Variants in L3MBTL3 observed in about 807,000 individuals in gnomAD.
The protein encoded by L3MBTL3 is L3MBTL histone methyl-lysine binding protein 3.
A neutral mutation model predicts 102.3 loss-of-function variants in L3MBTL3; 27 were observed. That is an observed-to-expected ratio of 0.26 (90% CI 0.19 to 0.36). The LOEUF is 0.36. Ranked by LOEUF, L3MBTL3 falls within the 10% of genes least tolerant of loss-of-function variation. The pLI is 1.00. For synonymous variants in L3MBTL3, 340 were observed against 320.9 expected (o/e 1.06, Z -0.64); for missense variants, 798 against 955.3 (o/e 0.84, Z 2.17).
chr6:130,071,092 A>G lies in L3MBTL3; in HGVS notation c.1209A>G (p.Val403=). 6.2e-7 allele frequency: 1 copy of G among 1,613,208 alleles called. No individual in the cohort carries two copies. Among genetic ancestry groups the G allele is most frequent in the Non-Finnish European group, 8.5e-7 (1 of 1,179,468 alleles). Residue 403 remains valine, a synonymous_variant, in exon 13 of 23, where the codon GTA becomes GTG. Coordinates refer to ENST00000361794, the MANE Select transcript of L3MBTL3 (RefSeq NM_032438.4). Reference sequence around the variant, plus strand: ...ATATGGTGGACAATCGTTTCCTGGTACATTTTGACAACTGGGATGAGAGCT... The same window carrying G: ...ATATGGTGGACAATCGTTTCCTGGTGCATTTTGACAACTGGGATGAGAGCT... ...VTDMVDNRFL[V]HFDNWDESYD...
chr6:130,139,595 T>C lies in L3MBTL3; in HGVS notation c.2200-15T>C. ...TTGTTAATCCACATTCTGTTGTTTTTTTCCCCCATTTTAGCAAATTGATGG... is the reference window on the plus strand; with the variant it reads ...TTGTTAATCCACATTCTGTTGTTTTCTTCCCCCATTTTAGCAAATTGATGG... On this transcript the variant is annotated splice_polypyrimidine_tract_variant and intron_variant, in intron 22 of 22. Coordinates refer to ENST00000361794, the MANE Select transcript of L3MBTL3 (RefSeq NM_032438.4). 6.2e-7 allele frequency: 1 copy of C among 1,610,402 alleles called. No homozygotes were observed. Among genetic ancestry groups the C allele is most frequent in the Non-Finnish European group, 8.5e-7 (1 of 1,177,050 alleles).
chr6:130,056,208 A>C (rs1307478271), intron 8 of L3MBTL3, among the ~76,000 whole-genome samples: 1 of 152,138 alleles, frequency 6.6e-6, no homozygotes, highest in Non-Finnish European at 1.5e-5. Context: ...GATTACAGGC[A>C]TGAGCCACTG....
At chr6:130,029,972 C>T (rs895173695) in intron 2 of L3MBTL3, among the ~76,000 whole-genome samples, 1 of 152,144 alleles carries the variant, frequency 6.6e-6, no homozygotes, top group Admixed American at 6.5e-5. Flanking sequence ...TAGAGGCATG[C>T]ACCACCACGC....
chr6:130,135,222 G>A (rs142269593), intron 22 of L3MBTL3, among the ~76,000 whole-genome samples: 3,026 of 151,734 alleles, frequency 0.02, 43 homozygotes, highest in Middle Eastern at 0.058. Flanking sequence ...CACCACGCTC[G>A]GCTAATTTTT....
chr6:130,128,415 C>T (rs1582636258), intron 20 of L3MBTL3, among the ~76,000 whole-genome samples: 1 of 152,048 alleles, frequency 6.6e-6, no homozygotes, highest in Non-Finnish European at 1.5e-5. Flanking sequence ...TGCTGGAAGG[C>T]TAGCCATTAA....
At chr6:130,100,168 T>A (rs796072819) in intron 18 of L3MBTL3, among the ~76,000 whole-genome samples, 3 of 152,330 alleles carry the variant, frequency 2.0e-5, no homozygotes, top group African/African-American at 7.2e-5. Flanking sequence ...GAGAATTAAA[T>A]AGGTAATGTA....
At position 130,132,737 on chromosome 6, in the gene L3MBTL3, A is replaced by C. The variant is rs12528886; in HGVS notation, c.1967-715A>C. On this transcript the variant is annotated intron_variant, in intron 20 of 22. Transcript: ENST00000361794. ...GCCATAAAACTAGCTTTGGGTTCAG[A>C]AGCTCTAACATAAATAGAATATTCA... is the stretch of plus-strand genomic sequence containing the variant. 3.1e-3 allele frequency among the ~76,000 whole-genome samples: 478 copies of C among 152,144 alleles called. 1 individual carries two copies. The highest frequency in any genetic ancestry group is 6.8e-3 in the Middle Eastern group (2 of 294).
chr6:130,133,467 C>T lies in L3MBTL3; in HGVS notation c.1982C>T (p.Pro661Leu). The T allele has an allele frequency of 6.2e-7, 1 of 1,613,876 alleles. No homozygotes were observed. The highest frequency in any genetic ancestry group is 8.5e-7 in the Non-Finnish European group (1 of 1,179,912). Reference protein sequence around the residue: ...SHEARGAREEPTVQQAQRRSA... With the variant: ...SHEARGAREELTVQQAQRRSA... ...CATTGACCAGGTGCCCGGGAAGAAC[C>T]CACCGTCCAGCAGGCACAGCGTCGG... The change falls in exon 21 of 23, where the codon CCC becomes CTC. Residue 661 changes from proline to leucine, a missense_variant. Around this residue, in one of 4 missense-constraint regions of L3MBTL3, gnomAD observed 306 missense variants for 314.4 expected, o/e 0.97. Coordinates refer to ENST00000361794, the MANE Select transcript of L3MBTL3 (RefSeq NM_032438.4). This position sits in a 1 kb window ranked among gnomAD's most constrained non-coding sequence, Gnocchi z 4.9.
chr6:130,131,525 A>C (rs1398074830), intron 20 of L3MBTL3, among the ~76,000 whole-genome samples: 1 of 152,206 alleles, frequency 6.6e-6, no homozygotes, highest in Non-Finnish European at 1.5e-5. Flanking sequence ...AATTGTTACC[A>C]GGAAAGGGTC....
chr6:130,075,765 G>A (rs1189786340), intron 13 of L3MBTL3, among the ~76,000 whole-genome samples: 1 of 151,978 alleles, frequency 6.6e-6, no homozygotes, highest in Non-Finnish European at 1.5e-5. Context: ...TGAAACTATG[G>A]GTAATACAGG....
Position 130,123,973 on chromosome 6 carries a change from T to G in L3MBTL3, c.1966+3015T>G, listed in dbSNP as rs958269164. Among the ~76,000 whole-genome samples, 9 of 152,040 alleles carry G rather than the reference T, an allele frequency of 5.9e-5. 1 individual carries two copies. The East Asian group carries it at 1.7e-3, about 29-fold the overall frequency. On this transcript the variant is annotated intron_variant, in intron 20 of 22. Coordinates refer to ENST00000361794, the MANE Select transcript of L3MBTL3 (RefSeq NM_032438.4). Reference sequence around the variant, plus strand: ...GGAAACAGACCCCGAGAGTGTTTTGTGCAAAAGGTTTGTTAGTGAGTATTC... The same window carrying G: ...GGAAACAGACCCCGAGAGTGTTTTGGGCAAAAGGTTTGTTAGTGAGTATTC...
chr6:130,125,656 C>T (rs1025947037), intron 20 of L3MBTL3, among the ~76,000 whole-genome samples: 1 of 152,240 alleles, frequency 6.6e-6, no homozygotes, highest in Non-Finnish European at 1.5e-5. Flanking sequence ...AGTGAACCTA[C>T]AGGTGCCCAC....
At position 130,078,622 on chromosome 6, in the gene L3MBTL3, A is replaced by G; in HGVS notation, c.1309A>G (p.Ile437Val). The G allele has an allele frequency of 6.2e-7, 1 of 1,604,438 alleles. No individual in the cohort carries two copies. Among genetic ancestry groups the G allele is most frequent in the Middle Eastern group, 1.7e-4 (1 of 6,032 alleles). ...GTGTAAGGAACATAGAAGAACCCTTATTACTCCACCAGGTGTGTGTTTTTT... is the reference window on the plus strand; with the variant it reads ...GTGTAAGGAACATAGAAGAACCCTTGTTACTCCACCAGGTGTGTGTTTTTT... The part of the protein sequence containing the change: ...GWCKEHRRTL[I>V]TPPGYPNVKH... The change falls in exon 14 of 23, where the codon ATT becomes GTT. Residue 437 changes from isoleucine (I) to valine (V), a missense_variant. Ile to Val is a conservative substitution (Grantham distance 29). Around this residue, in one of 4 missense-constraint regions of L3MBTL3, gnomAD observed 306 missense variants for 314.4 expected, o/e 0.97. Transcript: ENST00000361794.
intron 14 of L3MBTL3, among the ~76,000 whole-genome samples, chr6:130,081,648 A>G (rs1031901286): frequency 1.3e-5 from 2 of 151,608 alleles, no homozygotes; most frequent in East Asian, 3.9e-4. Flanking sequence ...GATGGTCTCA[A>G]TCTCCTGACC....
At chr6:130,075,988 TG>T (rs1330810427) in intron 13 of L3MBTL3, among the ~76,000 whole-genome samples, 1 of 152,138 alleles carries the variant, frequency 6.6e-6, no homozygotes, top group Non-Finnish European at 1.5e-5. Context: ...GTAATAGAAT[TG>T]GACATGAATT....
intron 20 of L3MBTL3, among the ~76,000 whole-genome samples, chr6:130,129,263 CCTCA>C (rs1216795810): frequency 1.3e-5 from 2 of 151,962 alleles, no homozygotes; most frequent in Non-Finnish European, 2.9e-5. Flanking sequence ...TATGTATAGG[CCTCA>C]CTGAGAAAAT....
Position 130,133,390 on chromosome 6 carries a change from C to T in L3MBTL3, c.1967-62C>T, listed in dbSNP as rs13207727. ...CCAGTCTCGTTATCTGGGAGATGCA[C>T]GGCATTTGGGGCTTTCTTGCTGCTT... On this transcript the variant is annotated intron_variant, in intron 20 of 22. Transcript: ENST00000361794. The surrounding 1 kb of genome is among the most constrained non-coding windows in gnomAD (Gnocchi z 4.9). 0.15 allele frequency: 236,891 copies of T among 1,530,280 alleles called. 19,881 individuals are homozygous for T. Among genetic ancestry groups the T allele is most frequent in the African/African-American group, 0.31 (22,636 of 73,040 alleles). 94.8% of individuals were successfully genotyped at this position (1,530,280 alleles called of 1,614,324 possible).
chr6:130,049,491 G>A (rs939412960), intron 4 of L3MBTL3, 98 bp downstream of exon 4: 1 of 828,732 alleles, frequency 1.2e-6, no homozygotes, highest in African/African-American at 1.7e-5. Context: ...GAAGGCCCCG[G>A]GTAATTTTTG....
intron 2 of L3MBTL3, among the ~76,000 whole-genome samples, chr6:130,038,949 T>C (rs1780235662): frequency 6.6e-6 from 1 of 152,124 alleles, no homozygotes; most frequent in South Asian, 2.1e-4. Flanking sequence ...GAAAAAATAT[T>C]GAAGCGTCTA....
Sources: gnomAD v4.1 joint callset for allele counts (sites outside exome capture counted in the v4.1 genomes callset) on GRCh38, gnomAD v4.1.1 for gene constraint, gnomAD v4.1.1 regional missense constraint, Gnocchi (gnomAD v3.1) non-coding constraint, MANE v1.5 for transcripts, NCBI Gene and HGNC (gene_info 2026-07-23, HGNC 2026-07-21) for gene names.